Variants in TMEM26 observed in about 807,000 individuals in gnomAD.
TMEM26 encodes the protein transmembrane protein 26.
In TMEM26, 38 loss-of-function variants were observed where a neutral mutation model predicts 28.8. The observed-to-expected ratio is 1.32, with a 90% CI of 1.02 to 1.73. The LOEUF is 1.73. Among genes scored for constraint, TMEM26 ranks in the 40% most tolerant of loss-of-function variants. The pLI is 0.00. For synonymous variants in TMEM26, 227 were observed against 182.9 expected (o/e 1.24, Z -1.95); for missense variants, 518 against 447.1 (o/e 1.16, Z -1.43).
chr10:61,447,807 G>A (rs1840209795), intron 1 of TMEM26, among the ~76,000 whole-genome samples: 1 of 152,036 alleles, frequency 6.6e-6, no homozygotes, highest in African/African-American at 2.4e-5. Context: ...CACATCCCCA[G>A]CCAGGCCTCT....
At chr10:61,436,112 T>A (rs1332053924) in intron 2 of TMEM26, 58 bp downstream of exon 2, 1 of 1,101,694 alleles carries the variant, frequency 9.1e-7, no homozygotes. Flanking sequence ...AACTGGATCA[T>A]ACTGTGAAAG....
intron 1 of TMEM26, among the ~76,000 whole-genome samples, chr10:61,452,018 C>T (rs188275799): frequency 8.5e-4 from 129 of 151,466 alleles, no homozygotes; most frequent in African/African-American, 2.9e-3. Flanking sequence ...AAAACACATC[C>T]TATTTAAAGA....
At chr10:61,431,719 T>G (rs1016540584) in intron 2 of TMEM26, among the ~76,000 whole-genome samples, 5 of 152,002 alleles carry the variant, frequency 3.3e-5, no homozygotes, top group Non-Finnish European at 5.9e-5. Flanking sequence ...TACAGTGTTT[T>G]TTTTTTTCTT....
intron 1 of TMEM26, 133 bp downstream of exon 1, chr10:61,452,758 C>G: frequency 8.3e-7 from 1 of 1,197,810 alleles, no homozygotes; most frequent in Non-Finnish European, 1.2e-6. Flanking sequence ...TCGCGCCTTC[C>G]AAGCGATCAG....
intron 4 of TMEM26, among the ~76,000 whole-genome samples, chr10:61,421,819 G>A (rs1295740587): frequency 6.6e-6 from 1 of 152,076 alleles, no homozygotes; most frequent in South Asian, 2.1e-4. Flanking sequence ...GTGGTATTTT[G>A]CTATAATAGC....
chr10:61,435,679 C>T (rs1429292566), intron 2 of TMEM26, among the ~76,000 whole-genome samples: 1 of 152,216 alleles, frequency 6.6e-6, no homozygotes, highest in Non-Finnish European at 1.5e-5. Flanking sequence ...TTAAAAGAGA[C>T]TATTTTAAAT....
chr10:61,428,342 A>G (rs1489687826), intron 4 of TMEM26, among the ~76,000 whole-genome samples: 1 of 152,090 alleles, frequency 6.6e-6, no homozygotes, highest in Non-Finnish European at 1.5e-5. Flanking sequence ...ATAAGTTTTA[A>G]TTTATAGGCC....
At chr10:61,433,893 T>C (rs1589037636) in intron 2 of TMEM26, among the ~76,000 whole-genome samples, 1 of 152,188 alleles carries the variant, frequency 6.6e-6, no homozygotes, top group African/African-American at 2.4e-5. Context: ...ATTCACCGTA[T>C]CAACTTAGGA....
chr10:61,410,596 T>G lies in TMEM26; in HGVS notation c.833A>C (p.Tyr278Ser). Residue 278 changes from tyrosine to serine, a missense_variant, in exon 6 of 6, where the codon TAT (tyrosine) becomes TCT (serine). Physicochemically the swap from Tyr to Ser is moderately radical, Grantham distance 144. Transcript: ENST00000399298. ...FLVVRLILMTYFKVINQMLVF... is the reference protein window; with the variant it reads ...FLVVRLILMTSFKVINQMLVF... ...CAGCATCTGATTGATCACTTTGAAA[T>G]AGGTCATCAGTATGAGACGCACGAC... The G allele has an allele frequency of 6.2e-7, 1 of 1,614,048 alleles. No individual in the cohort carries two copies. Among genetic ancestry groups the G allele is most frequent in the Non-Finnish European group, 8.5e-7 (1 of 1,180,022 alleles).
At position 61,441,689 on chromosome 10, in the gene TMEM26, A is replaced by G. The variant is rs145792711; in HGVS notation, c.192-5441T>C. Among the ~76,000 whole-genome samples, 1,179 of 152,268 alleles carry G rather than the reference A, an allele frequency of 7.7e-3. 10 individuals are homozygous for G. Among genetic ancestry groups the G allele is most frequent in the African/African-American group, 0.023 (937 of 41,544 alleles). The stretch of plus-strand genomic sequence containing the variant: ...ACTGATAAAAGCTGATAAGTATATG[A>G]TTCAATGACTAATACATGTCCAAGT... On this transcript the variant is annotated intron_variant, in intron 1 of 5. Transcript: ENST00000399298.
Position 61,451,926 on chromosome 10 carries a change from T to C in TMEM26, c.191+965A>G, listed in dbSNP as rs972612903. Among the ~76,000 whole-genome samples, 17 of 152,064 alleles carry C rather than the reference T, an allele frequency of 1.1e-4. No homozygotes were observed. In the East Asian group the frequency reaches 1.5e-3, roughly 14 times the overall value. ...GACTATAATGCCATTGTGTATGTAA[T>C]TGTAAATTGCCTAATACCATTTTCT... On this transcript the variant is annotated intron_variant, in intron 1 of 5. Transcript: ENST00000399298.
chr10:61,427,358 C>G (rs917659025), intron 4 of TMEM26, among the ~76,000 whole-genome samples: 1 of 152,008 alleles, frequency 6.6e-6, no homozygotes, highest in East Asian at 1.9e-4. Flanking sequence ...TTTACTAATA[C>G]TTGCTCACAA....
Position 61,431,303 on chromosome 10 carries a change from T to C in TMEM26, c.300A>G (p.Ser100=), listed in dbSNP as rs1839918804. 4 of 1,613,112 alleles carry C rather than the reference T, an allele frequency of 2.5e-6. No individual in the cohort carries two copies. The highest frequency in any genetic ancestry group is 2.7e-5 in the African/African-American group (2 of 74,974). The change falls in exon 3 of 6, where the codon TCA becomes TCG. Residue 100 remains serine, a synonymous_variant. Transcript: ENST00000399298. ...AGTCTTCTTTTCTGCTGGTATTCTG[T>C]GATGTTCCTTCAGCCTGGATACTGC... The part of the protein sequence containing the change: ...QYCSIQAEGT[S]QNTSRKEDFN...
chr10:61,422,524 C>T (rs1839766546), intron 4 of TMEM26, among the ~76,000 whole-genome samples: 1 of 151,988 alleles, frequency 6.6e-6, no homozygotes, highest in East Asian at 1.9e-4. Context: ...CCTATATATT[C>T]AGAAGTTAAA....
intron 4 of TMEM26, among the ~76,000 whole-genome samples, chr10:61,416,662 A>T (rs2135290667): frequency 6.6e-6 from 1 of 152,166 alleles, no homozygotes; most frequent in Admixed American, 6.6e-5. Context: ...GATAATAAAA[A>T]AATTTACTTC....
chr10:61,434,308 G>T (rs940209495), intron 2 of TMEM26, among the ~76,000 whole-genome samples: 1 of 152,074 alleles, frequency 6.6e-6, no homozygotes, highest in African/African-American at 2.4e-5. Flanking sequence ...ACTGCTCGGG[G>T]CTCAAAAATC....
At chr10:61,418,462 T>G (rs990648160) in intron 4 of TMEM26, among the ~76,000 whole-genome samples, 1 of 152,004 alleles carries the variant, frequency 6.6e-6, no homozygotes, top group Non-Finnish European at 1.5e-5. Context: ...AAACAGAATT[T>G]ATGATATCAA....
rs1839527409 is a variant in TMEM26, at chr10:61,408,818, C to A, written c.*1504G>T. The A allele has an allele frequency of 6.6e-6, 1 of 152,130 alleles. No individual in the cohort carries two copies. The highest frequency in any genetic ancestry group is 1.5e-5 in the Non-Finnish European group (1 of 68,030). 9.4% of individuals were successfully genotyped at this position (152,130 alleles called of 1,614,324 possible). A position where few individuals can be genotyped will look rare whatever the true frequency, so the allele number is the denominator to read the frequency against. ...AAATAAAAAACATATAACAATGGCA[C>A]TGAAGAAGCCATTTATGAGAAAATA... On this transcript the variant is annotated 3_prime_UTR_variant, in exon 6 of 6. Transcript: ENST00000399298.
intron 1 of TMEM26, among the ~76,000 whole-genome samples, chr10:61,447,710 TTTCAAGGCTCATG>T (rs1840208001): frequency 6.6e-6 from 1 of 152,246 alleles, no homozygotes; most frequent in Middle Eastern, 3.4e-3. Context: ...GTCAGAAATA[TTTCAAGGCTCATG>T]ACGATTGCCC....
Sources: allele counts gnomAD v4.1 joint callset (sites outside exome capture counted in the v4.1 genomes callset), GRCh38; gene constraint gnomAD v4.1.1; transcripts MANE v1.5; gene names NCBI Gene and HGNC (gene_info 2026-07-23, HGNC 2026-07-21).